The following TNFRSF10C variants were observed in gnomAD, a reference collection of about 807,000 sequenced individuals.
TNFRSF10C encodes TNF receptor superfamily member 10c.
In TNFRSF10C, 17 loss-of-function variants were observed where a neutral mutation model predicts 16.7. That is an observed-to-expected ratio of 1.02 (90% CI 0.70 to 1.53). The LOEUF (loss-of-function observed/expected upper bound fraction) is 1.53. Among genes scored for constraint, TNFRSF10C ranks in the 40% most tolerant of loss-of-function variants. The pLI is 0.00. For synonymous variants in TNFRSF10C, 73 were observed against 119.7 expected (o/e 0.61, Z 2.55); for missense variants, 237 against 329.7 (o/e 0.72, Z 2.18).
chr8:23,114,515 G>A, intron 2 of TNFRSF10C, 142 bp from the exon 3 acceptor site: 1 of 633,996 alleles, frequency 1.6e-6, no homozygotes, highest in South Asian at 1.9e-5. Flanking sequence ...AATAGATGCT[G>A]AATGGATGAC....
chr8:23,115,369 T>C, intron 3 of TNFRSF10C, 139 bp from the exon 4 acceptor site: 1 of 620,578 alleles, frequency 1.6e-6, no homozygotes, highest in Admixed American at 2.7e-5. Flanking sequence ...GTATGAGCCC[T>C]GAGTGTGCTG....
chr8:23,115,476 C>G, intron 3 of TNFRSF10C, 32 bp from the exon 4 acceptor site: 1 of 1,581,734 alleles, frequency 6.3e-7, no homozygotes, highest in Non-Finnish European at 8.7e-7. Flanking sequence ...ATCAGGGAAA[C>G]ACATTCCCAA....
At chr8:23,114,632 C>G (rs765395631) in intron 2 of TNFRSF10C, 25 bp from the exon 3 acceptor site, 1 of 1,586,174 alleles carries the variant, frequency 6.3e-7, no homozygotes, top group Admixed American at 1.7e-5. Context: ...GTGACTCATT[C>G]ATTGGCTTTT....
rs751669654 is a variant in TNFRSF10C, at chr8:23,114,648, C to T, written c.167-9C>T. 6.2e-7 allele frequency: 1 copy of T among 1,609,912 alleles called. No homozygotes were observed. The highest frequency in any genetic ancestry group is 2.2e-5 in the East Asian group (1 of 44,848). On this transcript the variant is annotated splice_polypyrimidine_tract_variant and intron_variant, in intron 2 of 4. Coordinates refer to ENST00000356864, the MANE Select transcript of TNFRSF10C (RefSeq NM_003841.5). ...TGACTCATTCATTGGCTTTTCTCTT[C>T]CTTCCCAGGATCTCATAGATCAGAA...
In TNFRSF10C at chr8:23,103,157, C is replaced by G; in HGVS notation, c.36C>G (p.Val12=). ...TCCCCAAGACCCTAAAGTTCGTCGT[C>G]GTCATCGTCGCGGTCCTGCTGCCAG... The part of the protein sequence containing the change: ...ARIPKTLKFV[V]VIVAVLLPVL... Residue 12 remains valine (V), a synonymous_variant, in exon 1 of 5, where the codon GTC becomes GTG. Coordinates refer to ENST00000356864, the MANE Select transcript of TNFRSF10C (RefSeq NM_003841.5). 1 of 1,612,138 alleles carries G rather than the reference C, an allele frequency of 6.2e-7. No individual in the cohort carries two copies.
chr8:23,114,883 C>A, intron 3 of TNFRSF10C, 113 bp downstream of exon 3: 1 of 806,686 alleles, frequency 1.2e-6, no homozygotes, highest in African/African-American at 1.7e-5. Context: ...TCTTCATCAC[C>A]CTGTTCTATG....
At chr8:23,111,950 T>C in intron 2 of TNFRSF10C, 125 bp downstream of exon 2, 1 of 974,210 alleles carries the variant, frequency 1.0e-6, no homozygotes, top group Non-Finnish European at 1.5e-6. Flanking sequence ...TCAAGCTAAT[T>C]CACATACTTA....
chr8:23,109,106 T>C (rs1813831175), intron 1 of TNFRSF10C, among the ~76,000 whole-genome samples: 1 of 152,178 alleles, frequency 6.6e-6, no homozygotes, highest in African/African-American at 2.4e-5. Flanking sequence ...TATACAGCTT[T>C]CAATGTTTGT....
In TNFRSF10C at chr8:23,103,077, G is replaced by A. The variant is rs765750513; in HGVS notation, c.-45G>A. 8 of 1,596,526 alleles carry A rather than the reference G, an allele frequency of 5.0e-6. No individual in the cohort carries two copies. The Admixed American group carries it at 1.2e-4, about 25-fold the overall frequency. On this transcript the variant is annotated 5_prime_UTR_variant, in exon 1 of 5. Transcript: ENST00000356864. ...AGCGCCCCGGCCGCCTGATGGCCGA[G>A]GCAGGGTGCGACCCAGGACCCAGGA...
rs10111196 is a variant in TNFRSF10C at position 23,111,658 on chromosome 8, T to C, written c.61-62T>C. 3.5e-3 allele frequency: 4,621 copies of C among 1,313,924 alleles called. 116 individuals carry two copies. The African/African-American group carries it at 0.058, about 16-fold the overall frequency. The allele number at this position is 1,313,924 out of a possible 1,614,324, so 81.4% of individuals were successfully genotyped here. On this transcript the variant is annotated intron_variant, in intron 1 of 4. Transcript: ENST00000356864. ...CACTTGGGGTGAAGGGAATGTGAGA[T>C]GGAGCCTGGGAGGGGTGAGGTCTGG... is the stretch of plus-strand genomic sequence containing the variant.
At chr8:23,104,135 C>T (rs1813724191) in intron 1 of TNFRSF10C, among the ~76,000 whole-genome samples, 1 of 152,188 alleles carries the variant, frequency 6.6e-6, no homozygotes, top group Non-Finnish European at 1.5e-5. Context: ...ATGGCTGTGT[C>T]AGGACAGTGG....
chr8:23,115,373 T>C (rs1813960504), intron 3 of TNFRSF10C, 135 bp from the exon 4 acceptor site: 1 of 629,102 alleles, frequency 1.6e-6, no homozygotes. Context: ...GAGCCCTGAG[T>C]GTGCTGGTGC....
rs1813989441 is a variant in TNFRSF10C, at chr8:23,116,698, T to G, written c.447T>G (p.Cys149Trp). The G allele has an allele frequency of 6.2e-7, 1 of 1,613,896 alleles. No homozygotes were observed. The highest frequency in any genetic ancestry group is 1.3e-5 in the African/African-American group (1 of 74,796). ...SNCTSWDDIQ[C>W]VEEFGANATV... The stretch of plus-strand genomic sequence containing the variant: ...GTACGTCCTGGGATGATATCCAGTG[T>G]GTTGAAGAATTTGGTGCCAATGCCA... Residue 149 changes from cysteine to tryptophan, a missense_variant, in exon 5 of 5, where the codon TGT becomes TGG. Physicochemically the swap from Cys to Trp is radical, Grantham distance 215. Coordinates refer to ENST00000356864, the MANE Select transcript of TNFRSF10C (RefSeq NM_003841.5).
At chr8:23,109,594 G>A (rs1304661554) in intron 1 of TNFRSF10C, among the ~76,000 whole-genome samples, 1 of 150,890 alleles carries the variant, frequency 6.6e-6, no homozygotes, top group Non-Finnish European at 1.5e-5. Context: ...CCGAGATTGT[G>A]CCACTGCACT....
intron 2 of TNFRSF10C, among the ~76,000 whole-genome samples, chr8:23,112,510 G>T (rs555268318): frequency 4.8e-4 from 73 of 152,230 alleles, no homozygotes; most frequent in Non-Finnish European, 8.8e-4. Context: ...TCACCATTCT[G>T]CTCTCCACCT....
intron 1 of TNFRSF10C, among the ~76,000 whole-genome samples, chr8:23,107,104 C>T (rs923997726): frequency 6.6e-6 from 1 of 152,120 alleles, no homozygotes; most frequent in African/African-American, 2.4e-5. Flanking sequence ...ACCTGTAGTC[C>T]TGCCAAGACA....
chr8:23,108,435 A>G (rs1483472477), intron 1 of TNFRSF10C, among the ~76,000 whole-genome samples: 1 of 152,192 alleles, frequency 6.6e-6, no homozygotes, highest in African/African-American at 2.4e-5. Context: ...CTTTAGAGAC[A>G]CAGTTATCAA....
At chr8:23,115,124 C>T (rs752126696) in intron 3 of TNFRSF10C, among the ~76,000 whole-genome samples, 4 of 152,060 alleles carry the variant, frequency 2.6e-5, no homozygotes, top group African/African-American at 9.7e-5. Context: ...CGGCCTCACT[C>T]AGCCTTCAGG....
chr8:23,113,426 T>C (rs191427555), intron 2 of TNFRSF10C, among the ~76,000 whole-genome samples: 16 of 152,350 alleles, frequency 1.1e-4, no homozygotes, highest in African/African-American at 3.6e-4. Context: ...GTTTTACCAT[T>C]TCAGATCTTA....
Sources: allele counts gnomAD v4.1 joint callset (sites outside exome capture counted in the v4.1 genomes callset), GRCh38; gene constraint gnomAD v4.1.1; transcripts MANE v1.5; gene names NCBI Gene and HGNC (gene_info 2026-07-23, HGNC 2026-07-21).